DAB1: variants seen among roughly 807,000 people sequenced by gnomAD.
DAB1 encodes the protein disabled homolog 1.
Under a neutral mutation model 64.6 loss-of-function variants are expected in DAB1, and 15 were observed. The ratio of observed to expected loss-of-function variants is 0.23; its 90% CI spans 0.16 to 0.36. The LOEUF is 0.36. Ranked by LOEUF, DAB1 falls within the 10% of genes least tolerant of loss-of-function variation. The pLI is 1.00. For missense variants in DAB1, 596 were observed against 706.7 expected (o/e 0.84, Z 1.78); for synonymous variants, 235 against 251.9 (o/e 0.93, Z 0.64).
chr1:57,515,288 G>A (rs895552018), intron 7 of DAB1, among the ~76,000 whole-genome samples: 2 of 152,146 alleles, frequency 1.3e-5, no homozygotes, highest in African/African-American at 4.8e-5. Flanking sequence ...AATATTAAAA[G>A]GGTAAAAAAT....
chr1:57,034,981 A>G (rs1175271104), intron 9 of DAB1, among the ~76,000 whole-genome samples: 1 of 152,244 alleles, frequency 6.6e-6, no homozygotes, highest in Admixed American at 6.5e-5. Context: ...CTTCAGGTCA[A>G]CCACCAACCA....
intron 3 of DAB1, among the ~76,000 whole-genome samples, chr1:58,344,293 A>C (rs1317468086): frequency 6.6e-6 from 1 of 152,196 alleles, no homozygotes; most frequent in Non-Finnish European, 1.5e-5. Flanking sequence ...AGAATAAGGA[A>C]GATCCTCAAG....
intron 2 of DAB1, among the ~76,000 whole-genome samples, chr1:57,270,019 A>G (rs1406175924): frequency 3.3e-5 from 5 of 152,188 alleles, no homozygotes; most frequent in African/African-American, 1.2e-4. Flanking sequence ...ATCCCTTTGA[A>G]AAGCCCGAGC....
intron 4 of DAB1, among the ~76,000 whole-genome samples, chr1:58,300,626 GAGAGAGAGAGAGAGAGAGAGAGGA>G (rs1662123616): frequency 6.4e-5 from 3 of 47,022 alleles, no homozygotes; most frequent in Admixed American, 2.1e-4. Flanking sequence ...GAGAGAGAGA[GAGAGAGAGAGAGAGAGAGAGAGGA>G]AGGAAGGAAG....
chr1:58,153,154 G>A (rs1655038315), intron 4 of DAB1, among the ~76,000 whole-genome samples: 1 of 152,168 alleles, frequency 6.6e-6, no homozygotes, highest in South Asian at 2.1e-4. Context: ...CTAGAGATTC[G>A]AAAGACAGAG....
intron 1 of DAB1, among the ~76,000 whole-genome samples, chr1:57,827,354 A>T (rs1652396363): frequency 6.6e-6 from 1 of 152,216 alleles, no homozygotes; most frequent in African/African-American, 2.4e-5. Flanking sequence ...ATCTGTGCCT[A>T]GGATAACTCA....
intron 4 of DAB1, among the ~76,000 whole-genome samples, chr1:57,085,406 T>C (rs1015143172): frequency 3.3e-5 from 5 of 152,194 alleles, no homozygotes; most frequent in African/African-American, 1.2e-4. Flanking sequence ...CTGCATCAAA[T>C]ACCTAGGCAT....
intron 1 of DAB1, among the ~76,000 whole-genome samples, chr1:57,829,845 G>A (rs1175549762): frequency 6.6e-6 from 1 of 152,204 alleles, no homozygotes; most frequent in Admixed American, 6.5e-5. Context: ...GGTAAATACA[G>A]ACCATTCTTA....
chr1:57,865,708 A>C (rs1654268096), intron 1 of DAB1, among the ~76,000 whole-genome samples: 1 of 152,100 alleles, frequency 6.6e-6, no homozygotes, highest in Non-Finnish European at 1.5e-5. Context: ...CACATTTGTA[A>C]TTATTTGTTC....
chr1:57,645,704 T>C (rs1454625097), intron 7 of DAB1, among the ~76,000 whole-genome samples: 1 of 152,204 alleles, frequency 6.6e-6, no homozygotes, highest in Non-Finnish European at 1.5e-5. Flanking sequence ...TTTCCTGATG[T>C]GAAACTGAAG....
chr1:57,430,814 T>G (rs1302558944), intron 7 of DAB1, among the ~76,000 whole-genome samples: 2 of 152,078 alleles, frequency 1.3e-5, no homozygotes, highest in Admixed American at 6.6e-5. Context: ...TCAAATTCTA[T>G]ATTTTAATAA....
At chr1:58,233,050 T>C (rs543540642) in intron 4 of DAB1, among the ~76,000 whole-genome samples, 3 of 152,322 alleles carry the variant, frequency 2.0e-5, no homozygotes, top group Admixed American at 2.0e-4. Context: ...TCAATAAATA[T>C]CTGTTGAATA....
At chr1:57,364,822 G>T (rs1412703876) in intron 1 of DAB1, among the ~76,000 whole-genome samples, 4 of 149,286 alleles carry the variant, frequency 2.7e-5, no homozygotes, top group African/African-American at 9.8e-5. Flanking sequence ...AAAATGAAAA[G>T]AAATAATAAA....
chr1:57,869,954 T>C (rs536685317), intron 1 of DAB1, among the ~76,000 whole-genome samples: 10 of 152,256 alleles, frequency 6.6e-5, no homozygotes, highest in African/African-American at 2.4e-4. Context: ...GGCTGCATCT[T>C]TTTCAATTAA....
intron 3 of DAB1, among the ~76,000 whole-genome samples, chr1:58,490,788 C>G (rs1427137625): frequency 3.2e-5 from 4 of 126,702 alleles, no homozygotes; most frequent in Non-Finnish European, 6.6e-5. Context: ...GGCCAATAGT[C>G]AACATTCTTT....
At chr1:57,713,434 C>T (rs1215951641) in intron 6 of DAB1, among the ~76,000 whole-genome samples, 1 of 152,168 alleles carries the variant, frequency 6.6e-6, no homozygotes, top group Non-Finnish European at 1.5e-5. Context: ...CTTGTTTTAA[C>T]TCTGTGCAGC....
intron 6 of DAB1, among the ~76,000 whole-genome samples, chr1:57,794,559 C>T (rs550987378): frequency 1.3e-5 from 2 of 152,274 alleles, no homozygotes; most frequent in East Asian, 3.9e-4. Flanking sequence ...TTCTCTGATT[C>T]TTCTGGACAG....
chr1:57,579,593 G>A (rs1043336291), intron 7 of DAB1, among the ~76,000 whole-genome samples: 29 of 152,134 alleles, frequency 1.9e-4, no homozygotes, highest in Admixed American at 1.8e-3. Context: ...TTGAAGGAGA[G>A]CAGGTTCATA....
At chr1:57,667,986 A>G (rs988819586) in intron 6 of DAB1, among the ~76,000 whole-genome samples, 4 of 152,106 alleles carry the variant, frequency 2.6e-5, no homozygotes, top group Admixed American at 6.6e-5. Context: ...TGTCACATGT[A>G]TACCTACACG....
Sources: allele counts gnomAD v4.1 joint callset (sites outside exome capture counted in the v4.1 genomes callset), GRCh38; gene constraint gnomAD v4.1.1; transcripts MANE v1.5; gene names NCBI Gene and HGNC (gene_info 2026-07-23, HGNC 2026-07-21).